The following STAU2 variants were observed in gnomAD, a reference collection of about 807,000 sequenced individuals.
STAU2 encodes staufen double-stranded RNA binding protein 2, also known as double-stranded RNA-binding protein Staufen homolog 2.
STAU2 carries 20 observed loss-of-function variants against 65.9 expected under a neutral mutation model. The ratio of observed to expected loss-of-function variants is 0.30; its 90% CI spans 0.21 to 0.44. STAU2 has a LOEUF of 0.44. Among genes scored for constraint, STAU2 ranks in the 20% least tolerant of loss-of-function variants. The probability of loss-of-function intolerance (pLI) is 1.00; values close to 1 mark genes in which losing one functional copy is unlikely to be tolerated. For missense variants in STAU2, 558 were observed against 683.9 expected (o/e 0.82, Z 2.05); for synonymous variants, 232 against 233.9 (o/e 0.99, Z 0.07).
At chr8:73,443,849 T>TA (rs11452845) in intron 13 of STAU2, among the ~76,000 whole-genome samples, 65,795 of 143,436 alleles carry the variant, frequency 0.46, 14,834 homozygotes, top group Admixed American at 0.57. Flanking sequence ...CCCTGTCTCT[T>TA]AAAAAAAAAA....
chr8:73,739,793 G>C lies in STAU2; in HGVS notation c.-121C>G, dbSNP rs761683103. Reference sequence around the variant, plus strand: ...GGTTCAAATTACTTTGTGTATCTTTGAGTTCTTCTTTTTCTGTCTTCTTTT... The same window carrying C: ...GGTTCAAATTACTTTGTGTATCTTTCAGTTCTTCTTTTTCTGTCTTCTTTT... On this transcript the variant is annotated 5_prime_UTR_variant, in exon 2 of 15. Transcript: ENST00000524300. The C allele has an allele frequency of 1.3e-6, 2 of 1,526,540 alleles. No homozygotes were observed. The highest frequency in any genetic ancestry group is 2.4e-5 in the South Asian group (2 of 82,304). The allele number at this position is 1,526,540 out of a possible 1,614,324, so 94.6% of individuals were successfully genotyped here.
At chr8:73,690,328 C>CAAAAAA (rs56744849) in intron 4 of STAU2, among the ~76,000 whole-genome samples, 4 of 58,236 alleles carry the variant, frequency 6.9e-5, no homozygotes, top group Admixed American at 2.0e-4. Context: ...GACTCTGTCT[C>CAAAAAA]AAAAAAAAAA....
chr8:73,582,607 A>G (rs564843224), intron 12 of STAU2, among the ~76,000 whole-genome samples, 163 bp downstream of exon 12: 15 of 152,196 alleles, frequency 9.9e-5, no homozygotes, highest in African/African-American at 3.6e-4. Flanking sequence ...TTTTCCAGCT[A>G]TTCTGTCAGT....
chr8:73,656,854 A>G (rs1171212043), intron 6 of STAU2, among the ~76,000 whole-genome samples: 1 of 152,232 alleles, frequency 6.6e-6, no homozygotes, highest in Non-Finnish European at 1.5e-5. Flanking sequence ...AATATACACT[A>G]CATACAAGAG....
At chr8:73,619,664 C>T (rs1342338053) in intron 6 of STAU2, among the ~76,000 whole-genome samples, 1 of 152,036 alleles carries the variant, frequency 6.6e-6, no homozygotes, top group Non-Finnish European at 1.5e-5. Flanking sequence ...TGGATAAGCA[C>T]CTGGAAAGGG....
intron 3 of STAU2, among the ~76,000 whole-genome samples, chr8:73,714,819 C>T (rs953302832): frequency 6.6e-6 from 1 of 152,092 alleles, no homozygotes; most frequent in Non-Finnish European, 1.5e-5. Flanking sequence ...TGGTGGCTCA[C>T]GTCTGGAATC....
chr8:73,613,106 T>C (rs923981433), intron 9 of STAU2, among the ~76,000 whole-genome samples: 1 of 152,234 alleles, frequency 6.6e-6, no homozygotes, highest in Non-Finnish European at 1.5e-5. Context: ...GGCAACAAAA[T>C]AACACCATCT....
rs535948251 is a variant in STAU2, at chr8:73,611,739, A to G, written c.891+2005T>C. Among the ~76,000 whole-genome samples the G allele has an allele frequency of 1.1e-4, 16 of 151,592 alleles. No individual in the cohort carries two copies. In the East Asian group the frequency reaches 3.1e-3, roughly 29 times the overall value. Reference sequence around the variant, plus strand: ...GTCACCAAGGCTGGAGTGCAGTGGCAGTGATCTTGGCTCACCTCAACCTCT... The same window carrying G: ...GTCACCAAGGCTGGAGTGCAGTGGCGGTGATCTTGGCTCACCTCAACCTCT... On this transcript the variant is annotated intron_variant, in intron 9 of 14. Transcript: ENST00000524300.
At chr8:73,624,054 G>T (rs1813463229) in intron 6 of STAU2, among the ~76,000 whole-genome samples, 1 of 152,170 alleles carries the variant, frequency 6.6e-6, no homozygotes, top group Middle Eastern at 3.4e-3. Context: ...CTAGGATAGG[G>T]TGTTTTGAAA....
chr8:73,710,130 C>T (rs1200427473), intron 3 of STAU2, among the ~76,000 whole-genome samples: 1 of 152,028 alleles, frequency 6.6e-6, no homozygotes, highest in Non-Finnish European at 1.5e-5. Context: ...CTTCCCCTAC[C>T]GTTTCTCCTC....
intron 4 of STAU2, among the ~76,000 whole-genome samples, chr8:73,692,371 T>A (rs1819389004): frequency 6.6e-6 from 1 of 151,934 alleles, no homozygotes; most frequent in African/African-American, 2.4e-5. Context: ...CTAATTTTTG[T>A]ATTTTTAGTA....
chr8:73,446,315 C>CA (rs2128892828), intron 13 of STAU2, among the ~76,000 whole-genome samples: 1 of 152,308 alleles, frequency 6.6e-6, no homozygotes, highest in African/African-American at 2.4e-5. Flanking sequence ...GGAGAATAGA[C>CA]AGCACGAGGG....
chr8:73,746,765 C>G lies in STAU2; in HGVS notation c.-197+18G>C. 8.2e-7 allele frequency: 1 copy of G among 1,226,138 alleles called. No homozygotes were observed. 76.0% of individuals were successfully genotyped at this position (1,226,138 alleles called of 1,614,324 possible). A position where few individuals can be genotyped will look rare whatever the true frequency, so the allele number is the denominator to read the frequency against. ...CGGAAGTCGGGGTCTCCCGGACGCC[C>G]CCGATGAGGGTATTTACCTTCTTGC... On this transcript the variant is annotated intron_variant, in intron 1 of 14. Coordinates refer to ENST00000524300, the MANE Select transcript of STAU2 (RefSeq NM_001164380.2).
intron 13 of STAU2, among the ~76,000 whole-genome samples, chr8:73,529,288 T>C (rs1805647456): frequency 6.6e-6 from 1 of 152,130 alleles, no homozygotes; most frequent in Non-Finnish European, 1.5e-5. Flanking sequence ...ACATAATAGG[T>C]TTATGTAAAA....
intron 9 of STAU2, among the ~76,000 whole-genome samples, chr8:73,606,291 G>A (rs1812031335): frequency 6.6e-6 from 1 of 151,758 alleles, no homozygotes; most frequent in Admixed American, 6.6e-5. Context: ...CTTTGAAAAA[G>A]ACAAGTCACA....
intron 3 of STAU2, among the ~76,000 whole-genome samples, chr8:73,724,100 T>A (rs1401178305): frequency 1.3e-5 from 2 of 152,208 alleles, no homozygotes; most frequent in Non-Finnish European, 2.9e-5. Context: ...CTATGTCACA[T>A]CCTGGAAAAT....
At chr8:73,727,690 T>C (rs1429312031) in intron 3 of STAU2, 2 of 152,252 alleles carry the variant, frequency 1.3e-5, no homozygotes, top group Non-Finnish European at 2.9e-5. Flanking sequence ...TGGTCATATA[T>C]TTGTTTGAGT....
At chr8:73,452,079 C>T (rs4541909) in intron 13 of STAU2, among the ~76,000 whole-genome samples, 113,328 of 152,222 alleles carry the variant, frequency 0.74, 42,708 homozygotes, top group East Asian at 0.96. Flanking sequence ...AGGGCAGACA[C>T]GGTCTCTCAG....
At chr8:73,673,474 T>G (rs1817832462) in intron 5 of STAU2, among the ~76,000 whole-genome samples, 1 of 152,116 alleles carries the variant, frequency 6.6e-6, no homozygotes, top group Non-Finnish European at 1.5e-5. Flanking sequence ...AAAATCTGAG[T>G]GTGCAATCAT....
Sources: allele counts gnomAD v4.1 joint callset (sites outside exome capture counted in the v4.1 genomes callset), GRCh38; gene constraint gnomAD v4.1.1; transcripts MANE v1.5; gene names NCBI Gene and HGNC (gene_info 2026-07-23, HGNC 2026-07-21).